ARFGAP1: variants seen among roughly 807,000 people sequenced by gnomAD.
ARFGAP1 encodes ARF GTPase activating protein 1, also known as ADP-ribosylation factor GTPase-activating protein 1.
ARFGAP1 carries 26 observed loss-of-function variants against 54.0 expected under a neutral mutation model. The observed-to-expected ratio is 0.48, with a 90% CI of 0.35 to 0.67. The LOEUF (loss-of-function observed/expected upper bound fraction) is 0.67, where lower values mean the gene tolerates loss of function less well. Ranked by LOEUF, ARFGAP1 falls within the 30% of genes least tolerant of loss-of-function variation. The probability of loss-of-function intolerance (pLI) is 0.00; values close to 1 mark genes in which losing one functional copy is unlikely to be tolerated. For missense variants in ARFGAP1, 525 were observed against 535.8 expected, an observed-to-expected ratio of 0.98 and a Z score of 0.20; for synonymous variants, 248 against 211.9, an observed-to-expected ratio of 1.17 and a Z score of -1.48.
At position 63,288,431 on chromosome 20, in the gene ARFGAP1, C is replaced by T. The variant is rs1414421243; in HGVS notation, c.*558C>T. Reference sequence around the variant, plus strand: ...GAGTCCACGCCTGCCTGGGCCTGTGCTGTCAGACCCGCGTCGGTCGTAACC... The same window carrying T: ...GAGTCCACGCCTGCCTGGGCCTGTGTTGTCAGACCCGCGTCGGTCGTAACC... On this transcript the variant is annotated 3_prime_UTR_variant, in exon 13 of 13. Transcript: ENST00000370283. 2.2e-6 allele frequency: 1 copy of T among 456,198 alleles called. No individual in the cohort carries two copies. The highest frequency in any genetic ancestry group is 4.4e-6 in the Non-Finnish European group (1 of 226,848). 28.3% of individuals were successfully genotyped at this position (456,198 alleles called of 1,614,324 possible).
chr20:63,285,958 G>A, intron 11 of ARFGAP1: 2 of 1,504,614 alleles, frequency 1.3e-6, no homozygotes. Flanking sequence ...TGCTGCTGCT[G>A]GCCTTTTCCT....
chr20:63,278,855 G>A (rs2067303895), intron 6 of ARFGAP1, 44 bp from the exon 7 acceptor site: 1 of 1,601,680 alleles, frequency 6.2e-7, no homozygotes, highest in East Asian at 2.2e-5. Context: ...GGAGGAGCAG[G>A]GTTCATGCCA....
Position 63,276,183 on chromosome 20 carries a change from G to T in ARFGAP1, c.153G>T (p.Gly51=), listed in dbSNP as rs1050967525. The T allele has an allele frequency of 2.5e-6, 4 of 1,613,672 alleles. No homozygotes were observed. The African/African-American group carries it at 4.0e-5, about 16-fold the overall frequency. The change falls in exon 3 of 13, where the codon GGG becomes GGT. Residue 51 remains glycine (G), a synonymous_variant. Transcript: ENST00000370283. The surrounding 1 kb of genome is among the most constrained non-coding windows in gnomAD (Gnocchi z 5.2). ...TGGAGTGCTCGGGGAGACACCGCGG[G>T]CTTGGGGTTCACCTCAGGTCAGTGT... The part of the protein sequence containing the change: ...ICLECSGRHR[G]LGVHLSFVRS...
intron 7 of ARFGAP1, 26 bp from the exon 8 acceptor site, chr20:63,281,265 T>A: frequency 6.3e-7 from 1 of 1,586,962 alleles, no homozygotes; most frequent in Non-Finnish European, 8.6e-7. Flanking sequence ...AGTCCTGATG[T>A]GGCTGCTCTT....
intron 10 of ARFGAP1, 49 bp from the exon 11 acceptor site, chr20:63,285,605 G>C: frequency 6.3e-7 from 1 of 1,590,320 alleles, no homozygotes; most frequent in Non-Finnish European, 8.6e-7. Context: ...GAAGCTTTAA[G>C]CTTTCATCTC....
At chr20:63,286,281 G>A (rs979528274) in intron 11 of ARFGAP1, 85 bp from the exon 12 acceptor site, 25 of 1,592,054 alleles carry the variant, frequency 1.6e-5, no homozygotes, top group Admixed American at 1.4e-4. Flanking sequence ...GCGGGACGGC[G>A]CGTGCCGGCT....
Position 63,288,638 on chromosome 20 carries a change from G to A in ARFGAP1, c.*765G>A. ...GCCCTCGGCCCTGATGCAGGAGGGT[G>A]CGATAGCGGACGTGGCCAGGCAGGA... is the stretch of plus-strand genomic sequence containing the variant. On this transcript the variant is annotated 3_prime_UTR_variant, in exon 13 of 13. Transcript: ENST00000370283. 1 of 400,640 alleles carries A rather than the reference G, an allele frequency of 2.5e-6. No individual in the cohort carries two copies. The highest frequency in any genetic ancestry group is 2.7e-5 in the Admixed American group (1 of 37,042). 24.8% of individuals were successfully genotyped at this position (400,640 alleles called of 1,614,324 possible). A position where few individuals can be genotyped will look rare whatever the true frequency, so the allele number is the denominator to read the frequency against.
intron 7 of ARFGAP1, among the ~76,000 whole-genome samples, chr20:63,279,976 T>TA (rs1042604479): frequency 1.3e-5 from 2 of 151,996 alleles, no homozygotes; most frequent in African/African-American, 4.8e-5. Flanking sequence ...CCGTCTCTAC[T>TA]AAAAAAATAT....
Position 63,276,057 on chromosome 20 carries a change from G to A in ARFGAP1, c.61-34G>A, listed in dbSNP as rs201034011. On this transcript the variant is annotated intron_variant, in intron 2 of 12. Coordinates refer to ENST00000370283, the MANE Select transcript of ARFGAP1 (RefSeq NM_018209.4). This position sits in a 1 kb window ranked among gnomAD's most constrained non-coding sequence, Gnocchi z 5.2. ...TTGGGGTCCCTGGGCTCTGCCCTGAGCCACCTGGTGAGTCACTTGTGGCCC... is the reference window on the plus strand; with the variant it reads ...TTGGGGTCCCTGGGCTCTGCCCTGAACCACCTGGTGAGTCACTTGTGGCCC... 42 of 1,602,008 alleles carry A rather than the reference G, an allele frequency of 2.6e-5. No individual in the cohort carries two copies. The East Asian group carries it at 9.4e-4, about 36-fold the overall frequency.
intron 10 of ARFGAP1, among the ~76,000 whole-genome samples, chr20:63,285,260 G>A (rs1204786657): frequency 6.6e-6 from 1 of 152,228 alleles, no homozygotes; most frequent in Admixed American, 6.5e-5. Flanking sequence ...AGCTGGCCGC[G>A]GAGCTGTGCC....
At position 63,278,143 on chromosome 20, in the gene ARFGAP1, C is replaced by T; in HGVS notation, c.470C>T (p.Thr157Ile). 2.5e-6 allele frequency: 4 copies of T among 1,613,798 alleles called. No individual in the cohort carries two copies. Among genetic ancestry groups the T allele is most frequent in the Non-Finnish European group, 3.4e-6 (4 of 1,179,956 alleles). Residue 157 changes from threonine to isoleucine, a missense_variant, in exon 6 of 13, where the codon ACC (threonine) becomes ATC (isoleucine). By Grantham distance (89) the Thr-to-Ile change is moderately conservative (BLOSUM62 -1). Around this residue, in one of 3 missense-constraint regions of ARFGAP1, gnomAD observed 466 missense variants for 453.6 expected, o/e 1.03. Coordinates refer to ENST00000370283, the MANE Select transcript of ARFGAP1 (RefSeq NM_018209.4). ...HRVSGQPQSV[T>I]ASSDKAFEDW... ...GTCTCTGGCCAGCCGCAGAGTGTGA[C>T]CGCCTCCTCGGACAAGGCTTTTGAA...
In ARFGAP1 at chr20:63,272,863, G is replaced by GGCGGCCCTACC. The variant is rs1568726431; in HGVS notation, c.-61_-51dup. ...ACCGGGCGCATCCTCATTGCAGTGC[G>GGCGGCCCTACC]GCGGCCCTACCTCGGCCCTGGCCTG... On this transcript the variant is annotated 5_prime_UTR_variant, in exon 1 of 13. Transcript: ENST00000370283. 1.3e-5 allele frequency: 2 copies of GGCGGCCCTACC among 152,278 alleles called. No homozygotes were observed. The highest frequency in any genetic ancestry group is 4.8e-5 in the African/African-American group (2 of 41,442). The allele number at this position is 152,278 out of a possible 1,614,324, so 9.4% of individuals were successfully genotyped here.
chr20:63,286,052 T>C (rs1442362551), intron 11 of ARFGAP1: 3 of 1,549,508 alleles, frequency 1.9e-6, no homozygotes, highest in Non-Finnish European at 2.6e-6. Flanking sequence ...TTGTCCTGTT[T>C]CCTGGCATGA....
chr20:63,287,586 C>G lies in ARFGAP1; in HGVS notation c.934C>G (p.Gln312Glu). The G allele has an allele frequency of 6.3e-7, 1 of 1,595,460 alleles. No individual in the cohort carries two copies. Among genetic ancestry groups the G allele is most frequent in the Non-Finnish European group, 8.6e-7 (1 of 1,167,266 alleles). The change falls in exon 13 of 13, where the codon CAG becomes GAG. Residue 312 changes from glutamine (Q) to glutamate (E), a missense_variant. Physicochemically the swap from Gln to Glu is conservative, Grantham distance 29. Around this residue, in one of 3 missense-constraint regions of ARFGAP1, gnomAD observed 466 missense variants for 453.6 expected, o/e 1.03. Transcript: ENST00000370283. Reference protein sequence around the residue: ...LDSPSEGHSYQNSGLDHFQNS... With the variant: ...LDSPSEGHSYENSGLDHFQNS... ...AAGCCCCTCGGAGGGCCACAGTTATCAGAACAGCGGTCTGGACCACTTCCA... is the reference window on the plus strand; with the variant it reads ...AAGCCCCTCGGAGGGCCACAGTTATGAGAACAGCGGTCTGGACCACTTCCA...
chr20:63,279,993 T>G (rs937056530), intron 7 of ARFGAP1, among the ~76,000 whole-genome samples: 1 of 152,012 alleles, frequency 6.6e-6, no homozygotes. Context: ...ATATAAAAAT[T>G]AGCCAGGCGG....
chr20:63,288,975 G>A lies in ARFGAP1; in HGVS notation c.*1102G>A, dbSNP rs889877031. 5.6e-5 allele frequency: 11 copies of A among 195,048 alleles called. No homozygotes were observed. The highest frequency in any genetic ancestry group is 1.4e-4 in the African/African-American group (6 of 43,814). 12.1% of individuals were successfully genotyped at this position (195,048 alleles called of 1,614,324 possible). On this transcript the variant is annotated 3_prime_UTR_variant, in exon 13 of 13. Transcript: ENST00000370283. The stretch of plus-strand genomic sequence containing the variant: ...TCCCTGGTCACCCCACTTCCCGGTC[G>A]CCGTCTGCAGCACTCCTGGAGCAGC...
At chr20:63,273,858 C>T (rs908245055) in intron 1 of ARFGAP1, 2 of 152,296 alleles carry the variant, frequency 1.3e-5, no homozygotes, top group Non-Finnish European at 2.9e-5. Flanking sequence ...TGGGCCGTGG[C>T]TTCTGCATGT....
rs1189436886 is a variant in ARFGAP1 at position 63,285,683 on chromosome 20, C to T, written c.804C>T (p.Val268=). Residue 268 remains valine, a synonymous_variant, in exon 11 of 13, where the codon GTC becomes GTT. Transcript: ENST00000370283. ...KVKEGKIFDD[V]SSGVSQLASK... is the part of the protein sequence containing the mutation. ...AGGAGGGAAAGATTTTTGATGATGT[C>T]TCCAGTGGGGTCTCTCAGTTGGCGT... 3.7e-6 allele frequency: 6 copies of T among 1,613,584 alleles called. No individual in the cohort carries two copies. In the African/African-American group the frequency reaches 4.0e-5, roughly 11 times the overall value.
intron 1 of ARFGAP1, chr20:63,273,941 C>T (rs545271356): frequency 8.5e-5 from 13 of 152,376 alleles, no homozygotes; most frequent in South Asian, 6.2e-4. Context: ...TAAGCTCAGT[C>T]CCGCTCCCTG....
Sources: allele counts gnomAD v4.1 joint callset (sites outside exome capture counted in the v4.1 genomes callset), GRCh38; gene constraint gnomAD v4.1.1; regional missense constraint gnomAD v4.1.1; non-coding constraint Gnocchi (gnomAD v3.1); transcripts MANE v1.5; gene names NCBI Gene and HGNC (gene_info 2026-07-23, HGNC 2026-07-21).